SUSD3: variants seen among roughly 807,000 people sequenced by gnomAD.
The protein encoded by SUSD3 is sushi domain-containing protein 3.
A neutral mutation model predicts 20.6 loss-of-function variants in SUSD3; 18 were observed. That is an observed-to-expected ratio of 0.87 (90% confidence interval 0.60 to 1.30). The LOEUF (loss-of-function observed/expected upper bound fraction) is 1.30. SUSD3 is among the 50% of genes most tolerant of loss of function. The pLI, the probability that SUSD3 is intolerant of heterozygous loss-of-function variation, is 0.00. For synonymous variants in SUSD3, 137 were observed against 141.5 expected (o/e 0.97, Z 0.23); for missense variants, 306 against 346.9 (o/e 0.88, Z 0.94).
Position 93,077,843 on chromosome 9 carries a change from C to G in SUSD3, c.278-3C>G. On this transcript the variant is annotated splice_region_variant and splice_polypyrimidine_tract_variant and intron_variant, in intron 2 of 4. Coordinates refer to ENST00000375472, the MANE Select transcript of SUSD3 (RefSeq NM_145006.4). Reference sequence around the variant, plus strand: ...CAGGAGCTGGTGGTTGTCTCCCACACAGTGGTGCCACCACACGAGACCTTT... The same window carrying G: ...CAGGAGCTGGTGGTTGTCTCCCACAGAGTGGTGCCACCACACGAGACCTTT... 2 of 1,614,160 alleles carry G rather than the reference C, an allele frequency of 1.2e-6. No homozygotes were observed. The highest frequency in any genetic ancestry group is 1.7e-6 in the Non-Finnish European group (2 of 1,180,006).
At chr9:93,083,136 T>C (rs545984232) in intron 4 of SUSD3, among the ~76,000 whole-genome samples, 8 of 152,082 alleles carry the variant, frequency 5.3e-5, no homozygotes, top group Non-Finnish European at 1.0e-4. Flanking sequence ...GAGGCCGGCT[T>C]AGGGGCCACT....
chr9:93,058,921 G>A (rs1019323840), intron 1 of SUSD3, 91 bp downstream of exon 1: 1 of 737,530 alleles, frequency 1.4e-6, no homozygotes, highest in Non-Finnish European at 1.9e-6. Context: ...GGGCCGCACA[G>A]CCGTGGGTGG....
At chr9:93,072,959 A>G (rs1270189139) in intron 1 of SUSD3, among the ~76,000 whole-genome samples, 2 of 152,158 alleles carry the variant, frequency 1.3e-5, no homozygotes, top group South Asian at 4.1e-4. Context: ...CTCGGTGGGC[A>G]GTAGGACTTC....
intron 1 of SUSD3, among the ~76,000 whole-genome samples, chr9:93,069,941 C>G (rs938418148): frequency 6.6e-6 from 1 of 151,924 alleles, no homozygotes; most frequent in African/African-American, 2.4e-5. Flanking sequence ...CACCCACACC[C>G]GGTTAATTTT....
At chr9:93,069,250 G>A (rs1034194840) in intron 1 of SUSD3, 1 of 653,632 alleles carries the variant, frequency 1.5e-6, no homozygotes, top group African/African-American at 1.8e-5. Context: ...TAGCCCTCTG[G>A]GTTATCAGAC....
At chr9:93,074,737 C>T (rs1826059407) in intron 1 of SUSD3, among the ~76,000 whole-genome samples, 1 of 151,150 alleles carries the variant, frequency 6.6e-6, no homozygotes, top group Non-Finnish European at 1.5e-5. Context: ...GCCTCAGCCT[C>T]CTGAGTAGCT....
At chr9:93,075,602 G>A (rs563058942) in intron 1 of SUSD3, among the ~76,000 whole-genome samples, 182 bp from the exon 2 acceptor site, 10 of 151,576 alleles carry the variant, frequency 6.6e-5, no homozygotes, top group Non-Finnish European at 1.3e-4. Context: ...CCAGCTCTGC[G>A]TTGTCCCCCG....
Position 93,079,565 on chromosome 9 carries a change from G to A in SUSD3, c.520G>A (p.Gly174Arg), listed in dbSNP as rs141819820. Residue 174 changes from glycine (G) to arginine (R), a missense_variant, in exon 4 of 5, where the codon GGG (glycine) becomes AGG (arginine). Physicochemically the swap from Gly to Arg is moderately radical, Grantham distance 125. Coordinates refer to ENST00000375472, the MANE Select transcript of SUSD3 (RefSeq NM_145006.4). ...CAAGCACTTCAACAAACCCGTGAGC[G>A]GGCCCAGCCAGGCGCACGACAACCA... is the stretch of plus-strand genomic sequence containing the variant. ...GLKHFNKPVS[G>R]PSQAHDNHSF... 1.2e-3 allele frequency: 1,933 copies of A among 1,614,016 alleles called. 4 individuals are homozygous for A. Among genetic ancestry groups the A allele is most frequent in the Admixed American group, 2.4e-3 (143 of 60,020 alleles).
At chr9:93,062,635 G>A (rs949849481) in intron 1 of SUSD3, among the ~76,000 whole-genome samples, 2 of 152,206 alleles carry the variant, frequency 1.3e-5, no homozygotes, top group East Asian at 1.9e-4. Context: ...TGAAGCAGGG[G>A]AGGGGACAGG....
At chr9:93,075,423 T>TTTC (rs1277111911) in intron 1 of SUSD3, among the ~76,000 whole-genome samples, 1 of 149,878 alleles carries the variant, frequency 6.7e-6, no homozygotes, top group African/African-American at 2.5e-5. Flanking sequence ...TTTTTTTTTT[T>TTTC]TTTTTTTTTT....
In SUSD3 at chr9:93,075,806, A is replaced by C; in HGVS notation, c.111A>C (p.Leu37=). 1 of 1,379,368 alleles carries C rather than the reference A, an allele frequency of 7.2e-7. No individual in the cohort carries two copies. The highest frequency in any genetic ancestry group is 9.6e-7 in the Non-Finnish European group (1 of 1,038,736). The allele number at this position is 1,379,368 out of a possible 1,614,324, so 85.4% of individuals were successfully genotyped here. Reference sequence around the variant, plus strand: ...CAGGCACGTGCGCTAAGCTGCGGCTACCCCCGCAAGCAACCTTCCAAGTCC... The same window carrying C: ...CAGGCACGTGCGCTAAGCTGCGGCTCCCCCCGCAAGCAACCTTCCAAGTCC... The part of the protein sequence containing the change: ...NRTGTCAKLR[L]PPQATFQVLR... Residue 37 remains leucine (L), a synonymous_variant, in exon 2 of 5, where the codon CTA becomes CTC. Coordinates refer to ENST00000375472, the MANE Select transcript of SUSD3 (RefSeq NM_145006.4).
At chr9:93,066,527 C>T (rs1467275866) in intron 1 of SUSD3, among the ~76,000 whole-genome samples, 1 of 152,086 alleles carries the variant, frequency 6.6e-6, no homozygotes, top group Non-Finnish European at 1.5e-5. Context: ...CCACCGTGCT[C>T]GGCCAAGTAT....
At chr9:93,073,111 T>G (rs1164103273) in intron 1 of SUSD3, among the ~76,000 whole-genome samples, 1 of 152,120 alleles carries the variant, frequency 6.6e-6, no homozygotes, top group Non-Finnish European at 1.5e-5. Context: ...CACCCCCATC[T>G]CTGGGTGTCA....
In SUSD3 at chr9:93,079,513, G is replaced by C. The variant is rs1262225686; in HGVS notation, c.468G>C (p.Glu156Asp). 7 of 1,614,164 alleles carry C rather than the reference G, an allele frequency of 4.3e-6. No individual in the cohort carries two copies. Among genetic ancestry groups the C allele is most frequent in the Non-Finnish European group, 5.9e-6 (7 of 1,179,996 alleles). Residue 156 changes from glutamate (E) to aspartate (D), a missense_variant, in exon 4 of 5, where the codon GAG (glutamate) becomes GAC (aspartate). Glu to Asp is a conservative substitution (Grantham distance 45). Transcript: ENST00000375472. The stretch of plus-strand genomic sequence containing the variant: ...CCCAGCTGAAAGATGAGGACTTGGA[G>C]ACGGTGCAGGCCGCATACCTTGGCC... ...LWSQLKDEDLETVQAAYLGLK... is the reference protein window; with the variant it reads ...LWSQLKDEDLDTVQAAYLGLK...
At chr9:93,073,007 G>T (rs1049043633) in intron 1 of SUSD3, among the ~76,000 whole-genome samples, 1 of 152,140 alleles carries the variant, frequency 6.6e-6, no homozygotes, top group Non-Finnish European at 1.5e-5. Flanking sequence ...GGCTGGAGAT[G>T]TAGCACACAG....
At chr9:93,064,680 G>A (rs1393409080) in intron 1 of SUSD3, among the ~76,000 whole-genome samples, 1 of 152,234 alleles carries the variant, frequency 6.6e-6, no homozygotes, top group African/African-American at 2.4e-5. Context: ...ACAACACACG[G>A]GCGGGCAGGG....
At position 93,084,624 on chromosome 9, in the gene SUSD3, T is replaced by G. The variant is rs1436609812; in HGVS notation, c.645T>G (p.Ser215Arg). 7 of 1,610,414 alleles carry G rather than the reference T, an allele frequency of 4.3e-6. No individual in the cohort carries two copies. Among genetic ancestry groups the G allele is most frequent in the Middle Eastern group, 1.7e-4 (1 of 6,056 alleles). Residue 215 changes from serine to arginine, a missense_variant, in exon 5 of 5, where the codon AGT becomes AGG. By Grantham distance (110) the Ser-to-Arg change is moderately radical. Transcript: ENST00000375472. The stretch of plus-strand genomic sequence containing the variant: ...GGATCCCCAGAGCTCTAAGCCTCAG[T>G]GGCTCCTCCAGCTCACCCCAAGCCC... ...DPGIPRALSL[S>R]GSSSSPQAQV...
At chr9:93,064,229 A>C (rs775110139) in intron 1 of SUSD3, among the ~76,000 whole-genome samples, 2 of 152,082 alleles carry the variant, frequency 1.3e-5, no homozygotes, top group South Asian at 4.1e-4. Flanking sequence ...TGTATTTTTA[A>C]TAGAGACAGG....
Position 93,058,736 on chromosome 9 carries a change from G to A in SUSD3, c.-7G>A. 8.1e-7 allele frequency: 1 copy of A among 1,232,870 alleles called. No individual in the cohort carries two copies. The highest frequency in any genetic ancestry group is 1.0e-6 in the Non-Finnish European group (1 of 987,592). The allele number at this position is 1,232,870 out of a possible 1,614,324, so 76.4% of individuals were successfully genotyped here. ...CAGACCCCGCCAAGCGCCTCGGAGC[G>A]CGCAGGATGCGCTGGGCGGCCGCCA... On this transcript the variant is annotated 5_prime_UTR_variant, in exon 1 of 5. Transcript: ENST00000375472.
Sources: gnomAD v4.1 joint callset for allele counts (sites outside exome capture counted in the v4.1 genomes callset) on GRCh38, gnomAD v4.1.1 for gene constraint, MANE v1.5 for transcripts, NCBI Gene and HGNC (gene_info 2026-07-23, HGNC 2026-07-21) for gene names.